ULK4: variants seen among roughly 807,000 people sequenced by gnomAD.
The protein encoded by ULK4 is unc-51 like kinase 4.
In ULK4, 133 loss-of-function variants were observed where a neutral mutation model predicts 160.6. The ratio of observed to expected loss-of-function variants is 0.83; its 90% CI spans 0.72 to 0.96. The LOEUF is 0.96. Ranked by LOEUF, ULK4 falls within the 40% of genes least tolerant of loss-of-function variation. The pLI, the probability that ULK4 is intolerant of heterozygous loss-of-function variation, is 0.00. For synonymous variants in ULK4, 534 were observed against 539.8 expected (o/e 0.99, Z 0.15); for missense variants, 1,580 against 1,499.5 (o/e 1.05, Z -0.89).
chr3:41,888,842 C>A (rs1214421195), intron 16 of ULK4, among the ~76,000 whole-genome samples: 2 of 152,212 alleles, frequency 1.3e-5, no homozygotes, highest in African/African-American at 4.8e-5. Context: ...GGCCTCCAGC[C>A]TGCCTACCTG....
intron 21 of ULK4, among the ~76,000 whole-genome samples, chr3:41,760,043 A>C (rs2038935095): frequency 6.6e-6 from 1 of 152,180 alleles, no homozygotes. Context: ...CAAGCCACAT[A>C]CTGACAGAAA....
At chr3:41,558,344 T>C (rs1473142078) in intron 32 of ULK4, among the ~76,000 whole-genome samples, 1 of 152,028 alleles carries the variant, frequency 6.6e-6, no homozygotes, top group African/African-American at 2.4e-5. Context: ...ATCACGGGGG[T>C]AAGTGCATAT....
At chr3:41,258,363 G>A (rs1228563877) in intron 35 of ULK4, 1 of 152,194 alleles carries the variant, frequency 6.6e-6, no homozygotes, top group Non-Finnish European at 1.5e-5. Flanking sequence ...CTTGTCTACT[G>A]TGATGCTGAA....
chr3:41,271,298 TA>T (rs1263074198), intron 35 of ULK4, among the ~76,000 whole-genome samples: 1 of 152,146 alleles, frequency 6.6e-6, no homozygotes, highest in East Asian at 1.9e-4. Flanking sequence ...AAACTTTATA[TA>T]AATGGAATCA....
intron 29 of ULK4, among the ~76,000 whole-genome samples, chr3:41,666,242 T>C (rs2035347702): frequency 6.6e-6 from 1 of 152,240 alleles, no homozygotes; most frequent in Admixed American, 6.5e-5. Flanking sequence ...GCTGATGTGT[T>C]GTAGCCCAAG....
chr3:41,496,019 T>C (rs957077175), intron 32 of ULK4, among the ~76,000 whole-genome samples: 6 of 152,070 alleles, frequency 3.9e-5, no homozygotes, highest in Non-Finnish European at 8.8e-5. Flanking sequence ...TGTAGTGAAA[T>C]ACAACATTAA....
chr3:41,457,918 T>C (rs900566907), intron 33 of ULK4, among the ~76,000 whole-genome samples: 1 of 152,184 alleles, frequency 6.6e-6, no homozygotes, highest in Non-Finnish European at 1.5e-5. Context: ...GCTAGGGTGA[T>C]AGCAGCAGGG....
chr3:41,564,837 C>T (rs895458263), intron 32 of ULK4, among the ~76,000 whole-genome samples: 1 of 152,092 alleles, frequency 6.6e-6, no homozygotes, highest in Non-Finnish European at 1.5e-5. Flanking sequence ...TGTACAGGAA[C>T]ATCCTAGGCC....
At chr3:41,375,828 T>C (rs916251151) in intron 35 of ULK4, among the ~76,000 whole-genome samples, 1 of 150,020 alleles carries the variant, frequency 6.7e-6, no homozygotes, top group Non-Finnish European at 1.5e-5. Flanking sequence ...GAAACTAGCA[T>C]ATCAGGGTGA....
intron 35 of ULK4, among the ~76,000 whole-genome samples, chr3:41,321,060 C>G (rs1035751090): frequency 2.0e-5 from 3 of 152,000 alleles, no homozygotes; most frequent in Middle Eastern, 3.4e-3. Flanking sequence ...AATTGCCAGG[C>G]CTCTCTGGTT....
chr3:41,740,888 T>TTA (rs2038220336), intron 22 of ULK4, among the ~76,000 whole-genome samples: 1 of 151,924 alleles, frequency 6.6e-6, no homozygotes. Context: ...TTGCATACCT[T>TTA]TATATTCAAC....
chr3:41,267,021 G>C (rs984058952), intron 35 of ULK4, among the ~76,000 whole-genome samples: 8 of 143,434 alleles, frequency 5.6e-5, no homozygotes, highest in African/African-American at 1.3e-4. Context: ...TCTCTATTGG[G>C]GGGGGGGGGT....
intron 35 of ULK4, among the ~76,000 whole-genome samples, chr3:41,303,483 GTC>G (rs1376449125): frequency 6.6e-6 from 1 of 152,198 alleles, no homozygotes; most frequent in Non-Finnish European, 1.5e-5. Context: ...ACATGCAGCT[GTC>G]TCTGCGAATT....
At chr3:41,638,737 G>T (rs1166015008) in intron 30 of ULK4, among the ~76,000 whole-genome samples, 3 of 152,194 alleles carry the variant, frequency 2.0e-5, no homozygotes. Context: ...CATAAAATCA[G>T]AAGACTCTTG....
At chr3:41,597,657 A>G (rs1442217522) in intron 31 of ULK4, among the ~76,000 whole-genome samples, 1 of 152,194 alleles carries the variant, frequency 6.6e-6, no homozygotes, top group East Asian at 1.9e-4. Context: ...CCATCAGGGA[A>G]GAAGGGGTTT....
At chr3:41,802,690 T>G (rs1453444877) in intron 19 of ULK4, among the ~76,000 whole-genome samples, 1 of 152,154 alleles carries the variant, frequency 6.6e-6, no homozygotes, top group Admixed American at 6.5e-5. Flanking sequence ...GTAGGAAGGC[T>G]AGAAGGAGAA....
At chr3:41,451,162 A>G (rs1470474018) in intron 34 of ULK4, among the ~76,000 whole-genome samples, 1 of 152,132 alleles carries the variant, frequency 6.6e-6, no homozygotes, top group Non-Finnish European at 1.5e-5. Context: ...ATAGTATTCA[A>G]GGAAACTGGA....
At chr3:41,469,024 C>T (rs1035258647) in intron 32 of ULK4, among the ~76,000 whole-genome samples, 1 of 152,184 alleles carries the variant, frequency 6.6e-6, no homozygotes, top group South Asian at 2.1e-4. Context: ...GAGCTAGTCA[C>T]TCCAGAAGTG....
intron 30 of ULK4, among the ~76,000 whole-genome samples, chr3:41,646,543 A>G (rs1218987995): frequency 6.6e-6 from 1 of 152,194 alleles, no homozygotes; most frequent in Non-Finnish European, 1.5e-5. Context: ...TGGCTTGTAC[A>G]GTTTCTGCTG....
Sources: gnomAD v4.1 joint callset for allele counts (sites outside exome capture counted in the v4.1 genomes callset) on GRCh38, gnomAD v4.1.1 for gene constraint, MANE v1.5 for transcripts, NCBI Gene and HGNC (gene_info 2026-07-23, HGNC 2026-07-21) for gene names.